The following IPP variants were observed in gnomAD, a reference collection of about 807,000 sequenced individuals.
IPP encodes actin-binding protein IPP.
Under a neutral mutation model 64.1 loss-of-function variants are expected in IPP, and 41 were observed. The ratio of observed to expected loss-of-function variants is 0.64; its 90% CI spans 0.50 to 0.83. The LOEUF (loss-of-function observed/expected upper bound fraction) is 0.83. Among genes scored for constraint, IPP ranks in the 40% least tolerant of loss-of-function variants. IPP has a pLI of 0.00. For missense variants in IPP, 649 were observed against 703.0 expected (o/e 0.92, Z 0.87); for synonymous variants, 214 against 235.2 (o/e 0.91, Z 0.83).
At chr1:45,697,667 A>G (rs1190144853), downstream of IPP, among the ~76,000 whole-genome samples, 1 of 152,120 alleles carries the variant, frequency 6.6e-6, no homozygotes, top group Non-Finnish European at 1.5e-5. Context: ...TAGCAAAGAA[A>G]TGGGAAATCG....
intron 3 of IPP, among the ~76,000 whole-genome samples, chr1:45,735,621 A>ATTTTTT (rs1160000550): frequency 1.0e-4 from 6 of 57,440 alleles, no homozygotes; most frequent in Non-Finnish European, 9.4e-5. Context: ...AGACCTGGCT[A>ATTTTTT]TTTTTTTTTT....
rs1370946670 is a variant in IPP, at chr1:45,700,044, A to G, written c.1677T>C (p.Tyr559=). The part of the protein sequence containing the change: ...APGTLDSVEV[Y]NPHSDTWTEI... ...CTGTCCATGTATCTGAATGAGGGTT[A>G]TAAACTTCAACTGAGTCCAAGGTAC... is the stretch of plus-strand genomic sequence containing the variant. The change falls in exon 9 of 9, where the codon TAT becomes TAC. Residue 559 remains tyrosine, a synonymous_variant. Transcript: ENST00000396478. 1 of 1,614,200 alleles carries G rather than the reference A, an allele frequency of 6.2e-7. No individual in the cohort carries two copies. The highest frequency in any genetic ancestry group is 1.7e-5 in the Admixed American group (1 of 60,014).
intron 3 of IPP, among the ~76,000 whole-genome samples, chr1:45,735,307 C>T (rs1422767955): frequency 6.6e-6 from 1 of 152,060 alleles, no homozygotes; most frequent in Non-Finnish European, 1.5e-5. Flanking sequence ...TGGTCTCGAA[C>T]TCCTGACCTC....
chr1:45,737,708 C>A (rs1251190918), intron 3 of IPP, among the ~76,000 whole-genome samples: 3 of 152,132 alleles, frequency 2.0e-5, no homozygotes, highest in African/African-American at 7.2e-5. Flanking sequence ...GATCTGCCCA[C>A]CTCATCCTCC....
chr1:45,741,503 C>T (rs1046041473), intron 2 of IPP, among the ~76,000 whole-genome samples, 171 bp from the exon 3 acceptor site: 8 of 151,974 alleles, frequency 5.3e-5, no homozygotes, highest in South Asian at 2.1e-4. Context: ...TAAACGATAA[C>T]GATACCTAAC....
At chr1:45,738,237 A>T (rs1451297468) in intron 3 of IPP, among the ~76,000 whole-genome samples, 3 of 152,138 alleles carry the variant, frequency 2.0e-5, no homozygotes, top group Non-Finnish European at 4.4e-5. Flanking sequence ...GGTGAGGTCA[A>T]AGTTTCACTC....
rs958078297 is a variant in IPP, at chr1:45,714,357, G to A, written c.1419C>T (p.Thr473=). 2.0e-5 allele frequency: 32 copies of A among 1,613,702 alleles called. No individual in the cohort carries two copies. The highest frequency in any genetic ancestry group is 2.6e-5 in the Non-Finnish European group (31 of 1,179,698). The change falls in exon 8 of 9, where the codon ACC becomes ACT. Residue 473 remains threonine, a synonymous_variant. Coordinates refer to ENST00000396478, the MANE Select transcript of IPP (RefSeq NM_005897.3). ...KRWSPLPPMG[T]RRAYLGVAAL... ...CAGCCACACCAAGATATGCTCTCCTGGTTCCCATTGGAGGAAGTGGAGACC... is the reference window on the plus strand; with the variant it reads ...CAGCCACACCAAGATATGCTCTCCTAGTTCCCATTGGAGGAAGTGGAGACC...
intron 8 of IPP, among the ~76,000 whole-genome samples, chr1:45,708,149 C>T (rs1645538960): frequency 6.6e-6 from 1 of 151,234 alleles, no homozygotes; most frequent in Admixed American, 6.6e-5. Flanking sequence ...ACTGCAAGCT[C>T]CACCTCCCAG....
chr1:45,739,535 G>A (rs1046066893), intron 3 of IPP, among the ~76,000 whole-genome samples: 3 of 150,172 alleles, frequency 2.0e-5, no homozygotes, highest in African/African-American at 2.5e-5. Context: ...AATTATAGGC[G>A]TGAACCATTG....
intron 3 of IPP, among the ~76,000 whole-genome samples, chr1:45,738,310 CAT>C (rs1491365151): frequency 4.3e-5 from 6 of 137,986 alleles, no homozygotes; most frequent in Non-Finnish European, 6.5e-5. Context: ...TATTTAGTGT[CAT>C]TTTTTTTTTT....
chr1:45,722,587 T>C (rs1645748525), intron 5 of IPP, among the ~76,000 whole-genome samples: 1 of 151,838 alleles, frequency 6.6e-6, no homozygotes, highest in Non-Finnish European at 1.5e-5. Flanking sequence ...TTTATGTAAG[T>C]AAAAAGCAAA....
Position 45,733,763 on chromosome 1 carries a change from C to T in IPP, c.725-3994G>A, listed in dbSNP as rs189479989. ...AGGAGAATCGATTGAACCTGGGAGGCGGAGGTTGTAGTGAGCCGAGATCAC... is the reference window on the plus strand; with the variant it reads ...AGGAGAATCGATTGAACCTGGGAGGTGGAGGTTGTAGTGAGCCGAGATCAC... On this transcript the variant is annotated intron_variant, in intron 3 of 8. Transcript: ENST00000396478. 3.5e-3 allele frequency among the ~76,000 whole-genome samples: 520 copies of T among 150,454 alleles called. 3 individuals are homozygous for T. Among genetic ancestry groups the T allele is most frequent in the Non-Finnish European group, 3.6e-3 (241 of 67,718 alleles).
At chr1:45,724,979 C>T (rs1645793507) in intron 5 of IPP, among the ~76,000 whole-genome samples, 1 of 139,986 alleles carries the variant, frequency 7.1e-6, no homozygotes, top group South Asian at 2.3e-4. Context: ...GTGAGGAGCC[C>T]CTCTGCCCGG....
chr1:45,729,388 T>G (rs1222431152), intron 4 of IPP, among the ~76,000 whole-genome samples: 2 of 152,234 alleles, frequency 1.3e-5, no homozygotes, highest in Non-Finnish European at 2.9e-5. Flanking sequence ...CTCAAAGGTT[T>G]AGATCACAGA....
At chr1:45,738,858 A>AAACAAAAAAAC in intron 3 of IPP, among the ~76,000 whole-genome samples, 1 of 150,990 alleles carries the variant, frequency 6.6e-6, no homozygotes, top group Non-Finnish European at 1.5e-5. Context: ...AAAAAAAAAA[A>AAACAAAAAAAC]AAAAAAACAA....
At chr1:45,697,106 A>G (rs548505221), downstream of IPP, 4 of 152,346 alleles carry the variant, frequency 2.6e-5, no homozygotes, top group South Asian at 8.3e-4. Context: ...AGATCTCTAC[A>G]CAGACATCTG....
At chr1:45,731,499 G>C (rs922203956) in intron 3 of IPP, among the ~76,000 whole-genome samples, 1 of 152,192 alleles carries the variant, frequency 6.6e-6, no homozygotes, top group African/African-American at 2.4e-5. Context: ...TTTTAGACTA[G>C]AGAAAACAAA....
chr1:45,716,832 CCTCAAA>C (rs1466724473), intron 7 of IPP, 57 bp downstream of exon 7: 2 of 1,408,810 alleles, frequency 1.4e-6, no homozygotes, highest in Non-Finnish European at 2.0e-6. Flanking sequence ...GAAAATAAGG[CCTCAAA>C]CTCAAACAGT....
Position 45,727,739 on chromosome 1 carries a change from C to A in IPP, c.940G>T (p.Glu314Ter). Residue 314 changes from glutamate (E) to a stop codon, truncating the protein, a stop_gained, in exon 5 of 9, where the codon GAA becomes TAA. Transcript: ENST00000396478. LOFTEE classifies it high-confidence loss of function. ...TACTGGCTAAAGGTGTCAAAACGTTCTACACAGCTGAGGGCTCTGCTATCA... is the reference window on the plus strand; with the variant it reads ...TACTGGCTAAAGGTGTCAAAACGTTATACACAGCTGAGGGCTCTGCTATCA... The part of the protein sequence containing the change: ...WSDSRALSCV[E>*]RFDTFSQYWT... 3 of 1,597,208 alleles carry A rather than the reference C, an allele frequency of 1.9e-6. No homozygotes were observed. The highest frequency in any genetic ancestry group is 2.6e-6 in the Non-Finnish European group (3 of 1,167,348).
Sources: gnomAD v4.1 joint callset for allele counts (sites outside exome capture counted in the v4.1 genomes callset) on GRCh38, gnomAD v4.1.1 for gene constraint, MANE v1.5 for transcripts, NCBI Gene and HGNC (gene_info 2026-07-23, HGNC 2026-07-21) for gene names.